Variants in DNAH8 observed in about 807,000 individuals in gnomAD.
The protein encoded by DNAH8 is dynein axonemal heavy chain 8.
Under a neutral mutation model 562.1 loss-of-function variants are expected in DNAH8, and 382 were observed. The ratio of observed to expected loss-of-function variants is 0.68; its 90% CI spans 0.63 to 0.74. The LOEUF (loss-of-function observed/expected upper bound fraction) is 0.74, where lower values mean the gene tolerates loss of function less well. Among genes scored for constraint, DNAH8 ranks in the 30% least tolerant of loss-of-function variants. The pLI is 0.00. For synonymous variants in DNAH8, 1,881 were observed against 1,919.4 expected, an observed-to-expected ratio of 0.98 and a Z score of 0.52; for missense variants, 5,203 against 5,620.4, an observed-to-expected ratio of 0.93 and a Z score of 2.37.
chr6:38,960,834 T>TA (rs990192092), intron 82 of DNAH8, among the ~76,000 whole-genome samples: 2 of 151,894 alleles, frequency 1.3e-5, no homozygotes, highest in African/African-American at 2.4e-5. Context: ...ATATAAAATT[T>TA]AAAAAAACGA....
At chr6:38,928,539 A>T (rs977673374) in intron 74 of DNAH8, among the ~76,000 whole-genome samples, 2 of 151,756 alleles carry the variant, frequency 1.3e-5, no homozygotes, top group Non-Finnish European at 2.9e-5. Context: ...CATGTGCAGA[A>T]TTTTTTTTTA....
Position 38,971,651 on chromosome 6 carries a change from A to C in DNAH8, c.12511A>C (p.Met4171Leu). Residue 4171 changes from methionine to leucine, a missense_variant, in exon 83 of 93, where the codon ATG (methionine) becomes CTG (leucine). Transcript: ENST00000327475. ...QEVHARKLIQ[M>L]SMQQGGWVLL... is the part of the protein sequence containing the mutation. ...AGTACATGCTCGAAAGCTGATTCAGATGTCAATGCAGCAGGTATGTGACAA... is the reference window on the plus strand; with the variant it reads ...AGTACATGCTCGAAAGCTGATTCAGCTGTCAATGCAGCAGGTATGTGACAA... 1 of 1,601,670 alleles carries C rather than the reference A, an allele frequency of 6.2e-7. No individual in the cohort carries two copies. Among genetic ancestry groups the C allele is most frequent in the Non-Finnish European group, 8.5e-7 (1 of 1,174,466 alleles).
At chr6:38,792,338 T>C (rs1678675) in intron 21 of DNAH8, among the ~76,000 whole-genome samples, 124,850 of 152,156 alleles carry the variant, frequency 0.82, 51,711 homozygotes, top group South Asian at 0.89. Flanking sequence ...TCCACAGCTT[T>C]AGCCTCCCAA....
At chr6:38,785,998 C>A (rs1431617668) in intron 17 of DNAH8, among the ~76,000 whole-genome samples, 1 of 152,156 alleles carries the variant, frequency 6.6e-6, no homozygotes, top group Admixed American at 6.5e-5. Context: ...ATAAAATTCT[C>A]ATGTTAGTAG....
At chr6:38,961,730 C>T (rs976721995) in intron 82 of DNAH8, among the ~76,000 whole-genome samples, 3 of 151,930 alleles carry the variant, frequency 2.0e-5, no homozygotes, top group Non-Finnish European at 2.9e-5. Flanking sequence ...CCCCAAACAT[C>T]GTGATACTTA....
intron 14 of DNAH8, among the ~76,000 whole-genome samples, chr6:38,779,117 G>A (rs1313319372): frequency 1.3e-5 from 2 of 152,206 alleles, no homozygotes; most frequent in African/African-American, 4.8e-5. Flanking sequence ...GGCTGAGCGG[G>A]ACTAGAAGCC....
chr6:38,932,548 G>T (rs1004968053), intron 76 of DNAH8, among the ~76,000 whole-genome samples: 4 of 152,134 alleles, frequency 2.6e-5, no homozygotes, highest in Non-Finnish European at 5.9e-5. Flanking sequence ...TTTTTAAGTT[G>T]AAGCTCAGAA....
At chr6:38,884,123 AGTCT>A (rs1446335264) in intron 56 of DNAH8, 125 bp downstream of exon 56, 4 of 534,242 alleles carry the variant, frequency 7.5e-6, no homozygotes, top group Non-Finnish European at 1.0e-5. Flanking sequence ...GCCAATCCTC[AGTCT>A]TTTTCTGACT....
Position 38,938,824 on chromosome 6 carries a change from A to G in DNAH8, c.11843A>G (p.Lys3948Arg), listed in dbSNP as rs1783195839. 1.9e-6 allele frequency: 3 copies of G among 1,610,404 alleles called. No individual in the cohort carries two copies. The highest frequency in any genetic ancestry group is 1.1e-5 in the South Asian group (1 of 90,522). ...ARSEKSPLPQ[K>R]RITNIIEYLT... Reference sequence around the variant, plus strand: ...TCTGAAAAGTCACCACTACCTCAAAAGAGAATTACAAATATTATCGAGTAC... The same window carrying G: ...TCTGAAAAGTCACCACTACCTCAAAGGAGAATTACAAATATTATCGAGTAC... Residue 3948 changes from lysine to arginine, a missense_variant, in exon 79 of 93, where the codon AAG becomes AGG. Lys to Arg is a conservative substitution (Grantham distance 26). This residue lies in a region of DNAH8 where 1,399 missense variants were observed against 1,518.4 expected (regional missense o/e 0.92). Coordinates refer to ENST00000327475, the MANE Select transcript of DNAH8 (RefSeq NM_001206927.2).
chr6:38,964,516 C>T (rs1206789204), intron 82 of DNAH8, among the ~76,000 whole-genome samples: 1 of 150,956 alleles, frequency 6.6e-6, no homozygotes, highest in Non-Finnish European at 1.5e-5. Flanking sequence ...CCAAACTATT[C>T]TCCATGTATG....
Position 38,894,982 on chromosome 6 carries a change from G to A in DNAH8, c.8747+118G>A, listed in dbSNP as rs1047489901. Reference sequence around the variant, plus strand: ...TTGCTCTTGTTGCCCAGGCTGGAGTGCAATGGTGCGATCTCAGCTGACCAC... The same window carrying A: ...TTGCTCTTGTTGCCCAGGCTGGAGTACAATGGTGCGATCTCAGCTGACCAC... On this transcript the variant is annotated intron_variant, in intron 59 of 92. Coordinates refer to ENST00000327475, the MANE Select transcript of DNAH8 (RefSeq NM_001206927.2). 9 of 1,032,822 alleles carry A rather than the reference G, an allele frequency of 8.7e-6. No individual in the cohort carries two copies. In the Admixed American group the frequency reaches 1.4e-4, roughly 16 times the overall value. The allele number at this position is 1,032,822 out of a possible 1,614,324, so 64.0% of individuals were successfully genotyped here.
Position 38,825,909 on chromosome 6 carries a change from G to T in DNAH8, c.3848-247G>T, listed in dbSNP as rs999003313. Among the ~76,000 whole-genome samples, 20 of 152,322 alleles carry T rather than the reference G, an allele frequency of 1.3e-4. No homozygotes were observed. In the East Asian group the frequency reaches 1.7e-3, roughly 13 times the overall value. On this transcript the variant is annotated intron_variant, in intron 28 of 92. Coordinates refer to ENST00000327475, the MANE Select transcript of DNAH8 (RefSeq NM_001206927.2). ...CAGTGATAGAACTAATTTCAAAAAT[G>T]CTCCCCCATGGGCTGTGGTGTCAAA...
chr6:38,974,671 G>T, intron 85 of DNAH8, 142 bp downstream of exon 85: 1 of 653,004 alleles, frequency 1.5e-6, no homozygotes, highest in Middle Eastern at 2.9e-4. Flanking sequence ...TCCCCACCTG[G>T]TATAGTGTAT....
intron 85 of DNAH8, among the ~76,000 whole-genome samples, chr6:38,981,028 AGTGTGTGTGTGTGT>A (rs368543739): frequency 6.9e-6 from 1 of 145,624 alleles, no homozygotes; most frequent in Non-Finnish European, 1.5e-5. Context: ...TGAAAACGGC[AGTGTGTGTGTGTGT>A]GTGTGTGTGT....
rs1765029495 is a variant in DNAH8, at chr6:38,994,792, A to G, written c.13214+4620A>G. On this transcript the variant is annotated intron_variant, in intron 88 of 92. Coordinates refer to ENST00000327475, the MANE Select transcript of DNAH8 (RefSeq NM_001206927.2). ...CCTGAGTAGATGGGATTACAGGTAC[A>G]TGCCACCATGCCTGGCAAATTTTTG... Among the ~76,000 whole-genome samples, 6 of 151,618 alleles carry G rather than the reference A, an allele frequency of 4.0e-5. No homozygotes were observed. The South Asian group carries it at 1.3e-3, about 32-fold the overall frequency.
intron 82 of DNAH8, among the ~76,000 whole-genome samples, chr6:38,952,221 C>T (rs187921649): frequency 2.0e-5 from 3 of 152,032 alleles, no homozygotes; most frequent in Non-Finnish European, 2.9e-5. Context: ...GAAAGTTACT[C>T]CAGGGAGAGG....
intron 73 of DNAH8, among the ~76,000 whole-genome samples, 183 bp downstream of exon 73, chr6:38,924,345 C>G (rs1781942825): frequency 1.3e-5 from 2 of 152,064 alleles, no homozygotes; most frequent in African/African-American, 4.8e-5. Flanking sequence ...ATCCCCATCT[C>G]TACTAAAAAT....
Position 38,896,077 on chromosome 6 carries a change from C to T in DNAH8, c.8792C>T (p.Thr2931Ile). 1 of 1,614,012 alleles carries T rather than the reference C, an allele frequency of 6.2e-7. No individual in the cohort carries two copies. Among genetic ancestry groups the T allele is most frequent in the African/African-American group, 1.3e-5 (1 of 75,038 alleles). ...EDEQWFNAHL[T>I]RAVEENIGSD... ...GAGCAGTGGTTTAATGCACATCTTA[C>T]TCGTGCAGTTGAAGAAAATATTGGC... The change falls in exon 60 of 93, where the codon ACT becomes ATT. Residue 2931 changes from threonine (T) to isoleucine (I), a missense_variant. Thr to Ile is a moderately conservative substitution (Grantham distance 89). Around this residue, in one of 6 missense-constraint regions of DNAH8, gnomAD observed 977 missense variants for 1,061.8 expected, o/e 0.92. Transcript: ENST00000327475.
At chr6:38,775,482 G>A (rs942917960) in intron 12 of DNAH8, among the ~76,000 whole-genome samples, 7 of 152,110 alleles carry the variant, frequency 4.6e-5, no homozygotes, top group Non-Finnish European at 8.8e-5. Flanking sequence ...CAAGCTCCCC[G>A]CCACCCTTGA....
Sources: gnomAD v4.1 joint callset for allele counts (sites outside exome capture counted in the v4.1 genomes callset) on GRCh38, gnomAD v4.1.1 for gene constraint, gnomAD v4.1.1 regional missense constraint, MANE v1.5 for transcripts, NCBI Gene and HGNC (gene_info 2026-07-23, HGNC 2026-07-21) for gene names.